Variants in PVT1 observed in about 807,000 individuals in gnomAD.
PVT1 encodes the protein Pvt1 oncogene.
At chr8:128,006,701 G>A (rs1255209189) in intron 4 of PVT1, among the ~76,000 whole-genome samples, 1 of 152,088 alleles carries the variant, frequency 6.6e-6, no homozygotes, top group East Asian at 1.9e-4. Context: ...TTACTATAAG[G>A]AAGATATTTT....
intron 4 of PVT1, among the ~76,000 whole-genome samples, chr8:128,052,750 C>G (rs1357519793): frequency 6.6e-6 from 1 of 152,238 alleles, no homozygotes; most frequent in Non-Finnish European, 1.5e-5. Flanking sequence ...GTGCTGTTGT[C>G]ACACTATGTG....
intron 3 of PVT1, among the ~76,000 whole-genome samples, chr8:127,902,535 C>T (rs545165497): frequency 8.6e-5 from 13 of 151,318 alleles, no homozygotes; most frequent in Non-Finnish European, 1.5e-4. Flanking sequence ...GAACTCATCA[C>T]GCAGGTACTG....
intron 3 of PVT1, among the ~76,000 whole-genome samples, chr8:127,942,229 AT>A (rs1816361378): frequency 1.3e-5 from 2 of 152,186 alleles, no homozygotes; most frequent in African/African-American, 4.8e-5. Context: ...ATAATGAAGA[AT>A]TTCCACGGCT....
At chr8:127,971,222 C>T (rs1018443467) in intron 3 of PVT1, among the ~76,000 whole-genome samples, 5 of 152,224 alleles carry the variant, frequency 3.3e-5, no homozygotes, top group African/African-American at 4.8e-5. Context: ...CCTTGGCAGC[C>T]GAGGGCCAGG....
intron 2 of PVT1, among the ~76,000 whole-genome samples, chr8:127,832,554 G>A (rs1814861710): frequency 6.6e-6 from 1 of 152,224 alleles, no homozygotes; most frequent in South Asian, 2.1e-4. Flanking sequence ...AGGTAATCAA[G>A]AAGAGATCAA....
At chr8:127,992,074 CA>C (rs72120482) in intron 4 of PVT1, among the ~76,000 whole-genome samples, 2,631 of 141,874 alleles carry the variant, frequency 0.019, 73 homozygotes, top group African/African-American at 0.064. Flanking sequence ...TTTCTTAAAA[CA>C]AAAAAAAAAA....
At chr8:127,996,345 C>A (rs1275341864) in intron 4 of PVT1, among the ~76,000 whole-genome samples, 2 of 151,618 alleles carry the variant, frequency 1.3e-5, no homozygotes, top group African/African-American at 4.8e-5. Context: ...AATTTGTGTC[C>A]TTCTGCTTGG....
chr8:127,998,356 G>C (rs959736658), intron 4 of PVT1: 1 of 152,058 alleles, frequency 6.6e-6, no homozygotes, highest in Non-Finnish European at 1.5e-5. Context: ...GCATGGACTT[G>C]CAGGTATTTA....
intron 2 of PVT1, among the ~76,000 whole-genome samples, chr8:127,851,436 C>A (rs1815106336): frequency 6.6e-6 from 1 of 152,198 alleles, no homozygotes; most frequent in South Asian, 2.1e-4. Context: ...CCGCCCATGG[C>A]CCTCATCTGT....
At chr8:127,943,280 A>T (rs75755268) in intron 3 of PVT1, among the ~76,000 whole-genome samples, 3 of 152,216 alleles carry the variant, frequency 2.0e-5, no homozygotes, top group Non-Finnish European at 4.4e-5. Context: ...GCACCATTTC[A>T]TGCAATCAAT....
In PVT1 at chr8:127,928,653, G is replaced by T. The variant is rs1275611559; in HGVS notation, n.782+37655G>T. ...CCCAGAGGGGTGCGGTGAGTAAGGG[G>T]GTGGCAACTGGTTGTTTCCAATCTC... On this transcript the variant is annotated intron_variant and non_coding_transcript_variant, in intron 3 of 10. Transcript: ENST00000651587. Among the ~76,000 whole-genome samples the T allele has an allele frequency of 2.6e-5, 4 of 152,220 alleles. No homozygotes were observed. The East Asian group carries it at 7.7e-4, about 29-fold the overall frequency.
At chr8:127,936,714 A>G (rs1816280319) in intron 3 of PVT1, among the ~76,000 whole-genome samples, 1 of 152,194 alleles carries the variant, frequency 6.6e-6, no homozygotes, top group Admixed American at 6.5e-5. Flanking sequence ...TCCTGCTTCC[A>G]GTGAGGGGTT....
At chr8:127,973,238 C>T (rs764850028) in intron 3 of PVT1, among the ~76,000 whole-genome samples, 5 of 152,076 alleles carry the variant, frequency 3.3e-5, no homozygotes. Flanking sequence ...CCTCCCTTGC[C>T]ATGTGTGCAC....
At chr8:128,016,786 C>T (rs1377146508) in intron 4 of PVT1, among the ~76,000 whole-genome samples, 1 of 152,200 alleles carries the variant, frequency 6.6e-6, no homozygotes, top group Non-Finnish European at 1.5e-5. Flanking sequence ...AAAGCCATGG[C>T]TTTTCCTAAT....
chr8:127,957,746 C>T (rs1057436055), intron 3 of PVT1, among the ~76,000 whole-genome samples: 3 of 152,322 alleles, frequency 2.0e-5, no homozygotes, highest in Admixed American at 6.5e-5. Flanking sequence ...TTCTCTTTGC[C>T]TTGGGAGGCT....
intron 4 of PVT1, among the ~76,000 whole-genome samples, chr8:128,054,949 A>T (rs1813745870): frequency 6.6e-6 from 1 of 152,212 alleles, no homozygotes; most frequent in Non-Finnish European, 1.5e-5. Context: ...GATGGGCCTC[A>T]TCCAATCAGT....
intron 3 of PVT1, among the ~76,000 whole-genome samples, chr8:127,954,467 G>A (rs1201439292): frequency 1.3e-5 from 2 of 152,102 alleles, no homozygotes; most frequent in East Asian, 1.9e-4. Flanking sequence ...GCTAATTTTT[G>A]TATTTTTAGT....
intron 5 of PVT1, among the ~76,000 whole-genome samples, chr8:128,095,925 C>G (rs1814423030): frequency 6.6e-6 from 1 of 152,206 alleles, no homozygotes; most frequent in Non-Finnish European, 1.5e-5. Context: ...TCTGTGCCCT[C>G]CAGATCTCAT....
chr8:127,966,184 G>A (rs1816701055), intron 3 of PVT1, among the ~76,000 whole-genome samples: 1 of 152,216 alleles, frequency 6.6e-6, no homozygotes, highest in African/African-American at 2.4e-5. Context: ...AACGTTAATA[G>A]TACAGTGTTG....
Sources: allele counts gnomAD v4.1 joint callset (sites outside exome capture counted in the v4.1 genomes callset), GRCh38; gene constraint gnomAD v4.1.1; transcripts MANE v1.5; gene names NCBI Gene and HGNC (gene_info 2026-07-23, HGNC 2026-07-21).